The following SHLD2 variants were observed in gnomAD, a reference collection of about 807,000 sequenced individuals.
SHLD2 encodes shieldin complex subunit 2.
A neutral mutation model predicts 73.2 loss-of-function variants in SHLD2; 30 were observed. The ratio of observed to expected loss-of-function variants is 0.41; its 90% CI spans 0.31 to 0.56. The LOEUF (loss-of-function observed/expected upper bound fraction) is 0.56, where lower values mean the gene tolerates loss of function less well. Among genes scored for constraint, SHLD2 ranks in the 20% least tolerant of loss-of-function variants. The pLI, the probability that SHLD2 is intolerant of heterozygous loss-of-function variation, is 0.28. For missense variants in SHLD2, 745 were observed against 1,055.9 expected (o/e 0.71, Z 4.08); for synonymous variants, 285 against 370.1 (o/e 0.77, Z 2.64).
intron 2 of SHLD2, among the ~76,000 whole-genome samples, chr10:87,145,182 C>T (rs911269590): frequency 2.8e-4 from 42 of 152,100 alleles, no homozygotes; most frequent in African/African-American, 9.4e-4. Context: ...ACCTCGTGAT[C>T]CGCCCTCCTC....
At chr10:87,182,588 A>G (rs1417812236) in intron 8 of SHLD2, among the ~76,000 whole-genome samples, 1 of 152,186 alleles carries the variant, frequency 6.6e-6, no homozygotes, top group Non-Finnish European at 1.5e-5. Flanking sequence ...CAATGTTTCT[A>G]CAGAATATTC....
At chr10:87,110,578 GC>G (rs1272217542) in intron 2 of SHLD2, among the ~76,000 whole-genome samples, 1 of 147,092 alleles carries the variant, frequency 6.8e-6, no homozygotes, top group East Asian at 2.0e-4. Flanking sequence ...TTGCACTCCA[GC>G]CTGGGTGATG....
At chr10:87,149,149 A>G (rs1465760353) in intron 2 of SHLD2, among the ~76,000 whole-genome samples, 8 of 151,712 alleles carry the variant, frequency 5.3e-5, no homozygotes, top group Non-Finnish European at 1.2e-4. Flanking sequence ...CGGCCTCTCA[A>G]AGTGCGGGGA....
intron 2 of SHLD2, among the ~76,000 whole-genome samples, chr10:87,136,850 C>G (rs896852051): frequency 2.0e-5 from 3 of 152,158 alleles, no homozygotes; most frequent in Non-Finnish European, 4.4e-5. Flanking sequence ...GCTCAGATCC[C>G]AGACCTGCTC....
chr10:87,190,349 G>C (rs993731705), intron 9 of SHLD2, 135 bp from the exon 10 acceptor site: 1 of 788,158 alleles, frequency 1.3e-6, no homozygotes, highest in Non-Finnish European at 2.2e-6. Context: ...GTGAGCCACC[G>C]CTACTGGACG....
At chr10:87,141,388 T>C (rs1845187230) in intron 2 of SHLD2, among the ~76,000 whole-genome samples, 1 of 150,764 alleles carries the variant, frequency 6.6e-6, no homozygotes, top group African/African-American at 2.4e-5. Flanking sequence ...TGCCCATTGC[T>C]GGAGTGCAAT....
At chr10:87,170,083 G>A (rs1250049004) in intron 4 of SHLD2, among the ~76,000 whole-genome samples, 1 of 152,188 alleles carries the variant, frequency 6.6e-6, no homozygotes, top group Non-Finnish European at 1.5e-5. Context: ...AACGGCAGAG[G>A]ATAGGATAGT....
chr10:87,140,700 C>T (rs2134224366), intron 2 of SHLD2, among the ~76,000 whole-genome samples: 1 of 150,618 alleles, frequency 6.6e-6, no homozygotes, highest in East Asian at 2.0e-4. Flanking sequence ...AAATTAGTGC[C>T]AGTCATGGTG....
intron 3 of SHLD2, among the ~76,000 whole-genome samples, chr10:87,156,532 A>G (rs1176370777): frequency 3.3e-5 from 5 of 152,136 alleles, no homozygotes; most frequent in African/African-American, 1.2e-4. Context: ...GAGGCTTAAC[A>G]TTGGGAAACA....
chr10:87,121,572 A>G (rs1843622193), intron 2 of SHLD2, among the ~76,000 whole-genome samples: 1 of 151,996 alleles, frequency 6.6e-6, no homozygotes, highest in South Asian at 2.1e-4. Context: ...AAATGTTATT[A>G]TTTTAAGTGG....
intron 2 of SHLD2, among the ~76,000 whole-genome samples, chr10:87,119,660 C>T (rs1843467177): frequency 6.6e-6 from 1 of 151,168 alleles, no homozygotes; most frequent in African/African-American, 2.5e-5. Context: ...CTCGGGTAGT[C>T]CCAACTACTC....
chr10:87,181,396 CA>C (rs981494488), intron 8 of SHLD2, among the ~76,000 whole-genome samples: 17 of 151,406 alleles, frequency 1.1e-4, no homozygotes, highest in Non-Finnish European at 2.4e-4. Flanking sequence ...AAAATCAAAA[CA>C]AAAAATGCAT....
intron 2 of SHLD2, among the ~76,000 whole-genome samples, chr10:87,107,277 G>C (rs942759880): frequency 2.6e-5 from 4 of 152,186 alleles, no homozygotes; most frequent in African/African-American, 7.2e-5. Flanking sequence ...AGCTGGGCGT[G>C]GTAGTGCGCC....
intron 4 of SHLD2, among the ~76,000 whole-genome samples, chr10:87,165,432 T>C (rs1303129254): frequency 6.6e-6 from 1 of 152,180 alleles, no homozygotes; most frequent in Admixed American, 6.5e-5. Context: ...TTGGGATAAA[T>C]ATCACCAGTA....
chr10:87,180,253 C>T lies in SHLD2; in HGVS notation c.2349C>T (p.Tyr783=). 1 of 1,612,522 alleles carries T rather than the reference C, an allele frequency of 6.2e-7. No homozygotes were observed. Among genetic ancestry groups the T allele is most frequent in the Admixed American group, 1.7e-5 (1 of 59,972 alleles). ...TAGAAACAGATGAGAACAGGATCTACAAACAATGTTTTAGCTGCTTGCCAT... is the reference window on the plus strand; with the variant it reads ...TAGAAACAGATGAGAACAGGATCTATAAACAATGTTTTAGCTGCTTGCCAT... ...LELETDENRI[Y]KQCFSCLPFT... is the part of the protein sequence containing the mutation. The change falls in exon 8 of 10, where the codon TAC becomes TAT. Residue 783 remains tyrosine, a synonymous_variant. Coordinates refer to ENST00000298786, the MANE Select transcript of SHLD2 (RefSeq NM_001330112.2).
At position 87,186,204 on chromosome 10, in the gene SHLD2, C is replaced by T. The variant is rs554076314; in HGVS notation, c.2400-881C>T. On this transcript the variant is annotated intron_variant, in intron 8 of 9. Transcript: ENST00000298786. ...AAAAGAGGAAGGAACATAGAGTCAT[C>T]GTGTGAATAAAGGGGGAAGTGGGTT... 6.6e-5 allele frequency among the ~76,000 whole-genome samples: 10 copies of T among 151,936 alleles called. No individual in the cohort carries two copies. In the South Asian group the frequency reaches 1.0e-3, roughly 16 times the overall value.
intron 2 of SHLD2, among the ~76,000 whole-genome samples, chr10:87,125,053 T>G (rs963226724): frequency 3.9e-5 from 6 of 152,184 alleles, no homozygotes; most frequent in African/African-American, 1.4e-4. Context: ...TATGAAGTCA[T>G]TACAAAGAAA....
chr10:87,155,341 T>C (rs1168260424), intron 3 of SHLD2, among the ~76,000 whole-genome samples: 2 of 151,296 alleles, frequency 1.3e-5, no homozygotes, highest in Non-Finnish European at 3.0e-5. Flanking sequence ...TGTGATTATA[T>C]TATTGGAGAT....
At chr10:87,126,461 G>A (rs1316807283) in intron 2 of SHLD2, among the ~76,000 whole-genome samples, 1 of 151,844 alleles carries the variant, frequency 6.6e-6, no homozygotes, top group African/African-American at 2.4e-5. Context: ...TTTGGCCATA[G>A]TATTAAGTTT....
Sources: gnomAD v4.1 joint callset for allele counts (sites outside exome capture counted in the v4.1 genomes callset) on GRCh38, gnomAD v4.1.1 for gene constraint, MANE v1.5 for transcripts, NCBI Gene and HGNC (gene_info 2026-07-23, HGNC 2026-07-21) for gene names.